Variants in GLIS3 observed in about 807,000 individuals in gnomAD.
GLIS3 encodes the protein zinc finger protein GLIS3.
A neutral mutation model predicts 78.6 loss-of-function variants in GLIS3; 53 were observed. The ratio of observed to expected loss-of-function variants is 0.67; its 90% CI spans 0.54 to 0.85. The LOEUF (loss-of-function observed/expected upper bound fraction) is 0.85, where lower values mean the gene tolerates loss of function less well. Among genes scored for constraint, GLIS3 ranks in the 40% least tolerant of loss-of-function variants. GLIS3 has a pLI of 0.00. For synonymous variants in GLIS3, 684 were observed against 509.9 expected, an observed-to-expected ratio of 1.34 and a Z score of -4.60; for missense variants, 1,703 against 1,231.1, an observed-to-expected ratio of 1.38 and a Z score of -5.74.
chr9:3,917,673 C>G (rs559922569), intron 6 of GLIS3, among the ~76,000 whole-genome samples: 2 of 151,806 alleles, frequency 1.3e-5, no homozygotes, highest in East Asian at 3.9e-4. Context: ...CAAGTTATTC[C>G]TTTATTCCCC....
At chr9:3,941,069 C>T (rs1488269609) in intron 4 of GLIS3, among the ~76,000 whole-genome samples, 2 of 151,904 alleles carry the variant, frequency 1.3e-5, no homozygotes, top group Admixed American at 6.6e-5. Flanking sequence ...TGCTAACAAG[C>T]CCCCCATAAG....
intron 8 of GLIS3, among the ~76,000 whole-genome samples, chr9:3,870,332 C>G (rs1820891228): frequency 6.6e-6 from 1 of 152,150 alleles, no homozygotes; most frequent in Admixed American, 6.5e-5. Context: ...TGGAAATTAA[C>G]ATGCTCCTGG....
chr9:4,480,080 C>T, the GLIS3 span, among the ~76,000 whole-genome samples: 10 of 151,788 alleles, frequency 6.6e-5, no homozygotes, highest in Middle Eastern at 3.4e-3. Context: ...AAAATATTTT[C>T]TTCTGATTCC....
At position 3,976,113 on chromosome 9, in the gene GLIS3, TA is replaced by T. The variant is rs562418413; in HGVS notation, c.1711-38925del. 1.5e-3 allele frequency among the ~76,000 whole-genome samples: 230 copies of T among 152,232 alleles called. 1 individual carries two copies. Among genetic ancestry groups the T allele is most frequent in the African/African-American group, 5.4e-3 (223 of 41,548 alleles). ...CATCCCTAGAAGATTTTGGTTTCTT[TA>T]AAAAAATATTTTGACAATTTGTGAC... is the stretch of plus-strand genomic sequence containing the variant. On this transcript the variant is annotated intron_variant, in intron 4 of 10. Coordinates refer to ENST00000381971, the MANE Select transcript of GLIS3 (RefSeq NM_001042413.2).
the GLIS3 span, among the ~76,000 whole-genome samples, chr9:4,465,716 C>G: frequency 2.0e-5 from 3 of 152,076 alleles, no homozygotes; most frequent in Non-Finnish European, 4.4e-5. Flanking sequence ...CAAATATATA[C>G]ACCTACTATG....
rs76342955 is a variant in GLIS3 at position 4,118,352 on chromosome 9, G to A, written c.1126C>T (p.Pro376Ser). ...PGSQKGVLVA[P>S]GGLALPAYGE... The stretch of plus-strand genomic sequence containing the variant: ...TAGGCCGGCAGCGCCAGGCCTCCAG[G>A]GGCCACCAGCACGCCCTTCTGGCTG... Residue 376 changes from proline to serine, a missense_variant, in exon 4 of 11, where the codon CCT becomes TCT. Coordinates refer to ENST00000381971, the MANE Select transcript of GLIS3 (RefSeq NM_001042413.2). This position sits in a 1 kb window ranked among gnomAD's most constrained non-coding sequence, Gnocchi z 4.7. The A allele has an allele frequency of 1.4e-3, 2,219 of 1,583,854 alleles. 21 individuals carry two copies. The African/African-American group carries it at 0.027, about 19-fold the overall frequency.
chr9:4,366,119 G>A, the GLIS3 span, among the ~76,000 whole-genome samples: 43 of 152,300 alleles, frequency 2.8e-4, no homozygotes, highest in African/African-American at 9.6e-4. Context: ...TGGGCCCAGT[G>A]AGATAGGACA....
intron 4 of GLIS3, among the ~76,000 whole-genome samples, chr9:4,021,663 A>G (rs1351039863): frequency 6.6e-6 from 1 of 152,206 alleles, no homozygotes; most frequent in Non-Finnish European, 1.5e-5. Flanking sequence ...TAACAGAATG[A>G]GGTTACTGCC....
intron 2 of GLIS3, among the ~76,000 whole-genome samples, chr9:4,217,291 T>C (rs191448089): frequency 3.9e-5 from 6 of 152,318 alleles, no homozygotes; most frequent in African/African-American, 1.4e-4. Context: ...CCATATCTGG[T>C]TGTAAACCAT....
At chr9:4,181,367 A>G (rs1817310727) in intron 2 of GLIS3, among the ~76,000 whole-genome samples, 1 of 151,908 alleles carries the variant, frequency 6.6e-6, no homozygotes, top group Non-Finnish European at 1.5e-5. Flanking sequence ...ACTCCTCCTG[A>G]TCTCTCTGAA....
intron 2 of GLIS3, among the ~76,000 whole-genome samples, chr9:4,243,596 T>A (rs1321672785): frequency 6.6e-6 from 1 of 152,222 alleles, no homozygotes; most frequent in Non-Finnish European, 1.5e-5. Context: ...TGGGATAATA[T>A]AGCCTAGACC....
chr9:4,159,030 G>GGA (rs143925099), intron 2 of GLIS3, among the ~76,000 whole-genome samples: 15 of 79,100 alleles, frequency 1.9e-4, no homozygotes, highest in South Asian at 8.1e-4. Context: ...GAAAGGAGAA[G>GGA]AAGAAAAAAA....
the GLIS3 span, among the ~76,000 whole-genome samples, chr9:4,463,676 A>G: frequency 1.3e-5 from 2 of 152,356 alleles, no homozygotes; most frequent in African/African-American, 4.8e-5. Flanking sequence ...TGAAAAAAAT[A>G]TTGGGGAAAA....
chr9:3,862,414 A>G (rs1746234158), intron 8 of GLIS3, among the ~76,000 whole-genome samples: 1 of 152,240 alleles, frequency 6.6e-6, no homozygotes, highest in South Asian at 2.1e-4. Context: ...GGAGTTCTTC[A>G]TGCACAACAT....
intron 2 of GLIS3, among the ~76,000 whole-genome samples, chr9:4,227,713 A>G (rs1821897392): frequency 6.6e-6 from 1 of 152,240 alleles, no homozygotes; most frequent in South Asian, 2.1e-4. Flanking sequence ...GAAACCCAAC[A>G]TATTATCATG....
intron 4 of GLIS3, among the ~76,000 whole-genome samples, chr9:3,988,414 C>G (rs763004589): frequency 2.7e-4 from 41 of 152,168 alleles, no homozygotes; most frequent in South Asian, 8.3e-4. Flanking sequence ...ACTTGATACT[C>G]AAGACGATGA....
chr9:4,143,912 T>C (rs1476075321), intron 2 of GLIS3, among the ~76,000 whole-genome samples: 1 of 152,246 alleles, frequency 6.6e-6, no homozygotes, highest in Non-Finnish European at 1.5e-5. Flanking sequence ...AAAGAGATTT[T>C]CCACCATCTT....
chr9:4,424,662 C>G, the GLIS3 span, among the ~76,000 whole-genome samples: 1 of 152,174 alleles, frequency 6.6e-6, no homozygotes, highest in Non-Finnish European at 1.5e-5. Flanking sequence ...CTCCTGGGTT[C>G]AAGGGATCCT....
the GLIS3 span, among the ~76,000 whole-genome samples, chr9:4,452,781 G>A: frequency 6.6e-6 from 1 of 151,534 alleles, no homozygotes; most frequent in African/African-American, 2.4e-5. Flanking sequence ...TCCCCATCAA[G>A]CTGTTTTCTT....
Sources: gnomAD v4.1 joint callset for allele counts (sites outside exome capture counted in the v4.1 genomes callset) on GRCh38, gnomAD v4.1.1 for gene constraint, Gnocchi (gnomAD v3.1) non-coding constraint, MANE v1.5 for transcripts, NCBI Gene and HGNC (gene_info 2026-07-23, HGNC 2026-07-21) for gene names.